Variants in SPTA1 observed in about 807,000 individuals in gnomAD.
The protein encoded by SPTA1 is spectrin alpha chain, erythrocytic 1.
SPTA1 carries 177 observed loss-of-function variants against 324.7 expected under a neutral mutation model. That is an observed-to-expected ratio of 0.55 (90% CI 0.48 to 0.62). The LOEUF (loss-of-function observed/expected upper bound fraction) is 0.62, where lower values mean the gene tolerates loss of function less well. Ranked by LOEUF, SPTA1 falls within the 20% of genes least tolerant of loss-of-function variation. SPTA1 has a pLI of 0.00. For missense variants in SPTA1, 3,162 were observed against 2,883.6 expected, an observed-to-expected ratio of 1.10 and a Z score of -2.21; for synonymous variants, 1,195 against 1,041.3, an observed-to-expected ratio of 1.15 and a Z score of -2.84.
chr1:158,612,461 C>G (rs1649317349), intron 51 of SPTA1: 1 of 324,888 alleles, frequency 3.1e-6, no homozygotes, highest in Non-Finnish European at 5.9e-6. Flanking sequence ...GTCTTCCCCA[C>G]TACACCTGAA....
At chr1:158,660,213 A>G (rs1176123466) in intron 18 of SPTA1, among the ~76,000 whole-genome samples, 1 of 152,198 alleles carries the variant, frequency 6.6e-6, no homozygotes, top group Non-Finnish European at 1.5e-5. Context: ...TCTAAATATC[A>G]CAATTAAAAA....
At chr1:158,634,425 T>C (rs948755210) in intron 39 of SPTA1, 118 bp downstream of exon 39, 4 of 1,426,260 alleles carry the variant, frequency 2.8e-6, no homozygotes, top group Non-Finnish European at 3.9e-6. Context: ...ATTATTCGTA[T>C]TTCCTTCATC....
chr1:158,638,318 C>G, intron 35 of SPTA1, 77 bp from the exon 36 acceptor site: 6 of 1,458,180 alleles, frequency 4.1e-6, no homozygotes, highest in Non-Finnish European at 5.6e-6. Flanking sequence ...AACAGCTGGT[C>G]TGGCTCAAAG....
intron 39 of SPTA1, among the ~76,000 whole-genome samples, chr1:158,630,233 T>G (rs1421093834): frequency 6.6e-6 from 1 of 152,034 alleles, no homozygotes; most frequent in Non-Finnish European, 1.5e-5. Flanking sequence ...GAATCACACT[T>G]CCTGATTTTA....
chr1:158,638,319 T>C, intron 35 of SPTA1, 78 bp from the exon 36 acceptor site: 1 of 1,438,786 alleles, frequency 7.0e-7, no homozygotes, highest in Non-Finnish European at 9.6e-7. Context: ...ACAGCTGGTC[T>C]GGCTCAAAGA....
At chr1:158,628,057 A>G (rs1257602986) in intron 39 of SPTA1, among the ~76,000 whole-genome samples, 1 of 152,182 alleles carries the variant, frequency 6.6e-6, no homozygotes, top group Non-Finnish European at 1.5e-5. Context: ...ATCTAATTCA[A>G]TGAAACAATG....
chr1:158,652,804 T>A (rs2101863380), intron 22 of SPTA1, 151 bp from the exon 23 acceptor site: 1 of 944,716 alleles, frequency 1.1e-6, no homozygotes, highest in Non-Finnish European at 1.6e-6. Context: ...GGAAATAAAC[T>A]TAGAAGGAAA....
chr1:158,634,421 C>A (rs1169366790), intron 39 of SPTA1, 122 bp downstream of exon 39: 12 of 1,397,518 alleles, frequency 8.6e-6, no homozygotes, highest in South Asian at 1.2e-5. Flanking sequence ...CAGGATTATT[C>A]GTATTTCCTT....
chr1:158,676,316 C>A (rs748048049), intron 7 of SPTA1, 21 bp from the exon 8 acceptor site: 1 of 1,612,794 alleles, frequency 6.2e-7, no homozygotes, highest in African/African-American at 1.3e-5. Context: ...AAAAAGAAAC[C>A]TAGTAGGAAA....
chr1:158,638,071 C>T lies in SPTA1; in HGVS notation c.5151G>A (p.Gln1717=). 5 of 1,613,962 alleles carry T rather than the reference C, an allele frequency of 3.1e-6. No individual in the cohort carries two copies. The highest frequency in any genetic ancestry group is 4.2e-6 in the Non-Finnish European group (5 of 1,179,892). The change falls in exon 36 of 52, where the codon CAG becomes CAA. Residue 1717 remains glutamine (Q), a synonymous_variant. Transcript: ENST00000643759. ...EKLKEAYALF[Q]FFQDLDDEES... Reference sequence around the variant, plus strand: ...CCTCATCATCTAGATCCTGGAAGAACTGGAACAAGGCATAGGCCTCTTTCA... The same window carrying T: ...CCTCATCATCTAGATCCTGGAAGAATTGGAACAAGGCATAGGCCTCTTTCA...
At chr1:158,668,174 G>A in intron 14 of SPTA1, 112 bp from the exon 15 acceptor site, 1 of 1,186,574 alleles carries the variant, frequency 8.4e-7, no homozygotes, top group South Asian at 1.3e-5. Flanking sequence ...ATGCTAACAA[G>A]AAGATAAAAG....
In SPTA1 at chr1:158,611,332, G is replaced by C; in HGVS notation, c.7192C>G (p.Pro2398Ala). The C allele has an allele frequency of 1.9e-6, 3 of 1,613,742 alleles. No homozygotes were observed. Among genetic ancestry groups the C allele is most frequent in the Non-Finnish European group, 2.5e-6 (3 of 1,179,788 alleles). The part of the protein sequence containing the change: ...CATHMQQYMD[P>A]RGRSHLSGYD... ...CCAGAGAGATGGCTTCGACCCCGTG[G>C]GTCCATATATTGCTGCATATGTGTG... is the stretch of plus-strand genomic sequence containing the variant. The change falls in exon 52 of 52, where the codon CCA (proline) becomes GCA (alanine). Residue 2398 changes from proline (P) to alanine (A), a missense_variant. Transcript: ENST00000643759.
At chr1:158,660,714 A>G (rs1262046581) in intron 18 of SPTA1, among the ~76,000 whole-genome samples, 1 of 152,218 alleles carries the variant, frequency 6.6e-6, no homozygotes, top group Non-Finnish European at 1.5e-5. Flanking sequence ...TGATTCTTCA[A>G]TCAACAGAGG....
At chr1:158,622,163 C>G (rs937193366) in intron 43 of SPTA1, among the ~76,000 whole-genome samples, 4 of 152,202 alleles carry the variant, frequency 2.6e-5, no homozygotes, top group African/African-American at 9.7e-5. Flanking sequence ...TGCACCTGGC[C>G]TCCTTCCATT....
At chr1:158,679,633 C>T (rs1199903839) in intron 5 of SPTA1, among the ~76,000 whole-genome samples, 2 of 152,112 alleles carry the variant, frequency 1.3e-5, no homozygotes, top group African/African-American at 4.8e-5. Context: ...TTAGATCCTT[C>T]ACCCCAGCTG....
At chr1:158,626,449 A>T (rs373281738) in intron 41 of SPTA1, among the ~76,000 whole-genome samples, 1 of 152,316 alleles carries the variant, frequency 6.6e-6, no homozygotes, top group East Asian at 1.9e-4. Flanking sequence ...AGTACTTCAT[A>T]GAAAAAAAAA....
chr1:158,667,860 TTC>T lies in SPTA1; in HGVS notation c.2034_2035del (p.Lys679ArgfsTer6). The T allele has an allele frequency of 1.2e-6, 2 of 1,613,868 alleles. No homozygotes were observed. The highest frequency in any genetic ancestry group is 1.7e-6 in the Non-Finnish European group (2 of 1,179,918). ...TCACCAAAACCTCTGCTTTTTACCT[TTC>T]TGTTTTGTAGCCTCCAGCAACTCCT... On this transcript the variant is annotated frameshift_variant, in exon 15 of 52. Transcript: ENST00000643759. LOFTEE classifies it high-confidence loss of function.
At chr1:158,632,219 C>T (rs919060599) in intron 39 of SPTA1, among the ~76,000 whole-genome samples, 1 of 152,080 alleles carries the variant, frequency 6.6e-6, no homozygotes, top group Non-Finnish European at 1.5e-5. Context: ...TACATGATTC[C>T]ACCTATATGA....
chr1:158,620,501 C>T, intron 43 of SPTA1, 35 bp from the exon 44 acceptor site: 1 of 1,611,290 alleles, frequency 6.2e-7, no homozygotes, highest in South Asian at 1.1e-5. Context: ...ACCATCTTTC[C>T]TGATAAAGCC....
Sources: allele counts gnomAD v4.1 joint callset (sites outside exome capture counted in the v4.1 genomes callset), GRCh38; gene constraint gnomAD v4.1.1; transcripts MANE v1.5; gene names NCBI Gene and HGNC (gene_info 2026-07-23, HGNC 2026-07-21).